The following DPYSL3 variants were observed in gnomAD, a reference collection of about 807,000 sequenced individuals.
DPYSL3 encodes the protein dihydropyrimidinase like 3, also known as dihydropyrimidinase-related protein 3.
Under a neutral mutation model 66.1 loss-of-function variants are expected in DPYSL3, and 16 were observed. The ratio of observed to expected loss-of-function variants is 0.24; its 90% CI spans 0.16 to 0.37. The LOEUF (loss-of-function observed/expected upper bound fraction) is 0.37. Among genes scored for constraint, DPYSL3 ranks in the 10% least tolerant of loss-of-function variants. DPYSL3 has a pLI of 1.00. For synonymous variants in DPYSL3, 338 were observed against 345.1 expected (o/e 0.98, Z 0.23); for missense variants, 738 against 916.2 (o/e 0.81, Z 2.51).
intron 1 of DPYSL3, among the ~76,000 whole-genome samples, chr5:147,445,165 C>T (rs1461681457): frequency 6.6e-6 from 1 of 152,102 alleles, no homozygotes; most frequent in African/African-American, 2.4e-5. Context: ...TCCAGGTAGG[C>T]CCCTGAAACA....
At chr5:147,420,137 G>T (rs977924452) in intron 2 of DPYSL3, among the ~76,000 whole-genome samples, 4 of 152,166 alleles carry the variant, frequency 2.6e-5, no homozygotes, top group Admixed American at 2.6e-4. Flanking sequence ...TAATGAGTGA[G>T]ACTGGATGTG....
At chr5:147,422,840 A>G (rs185040868) in intron 2 of DPYSL3, among the ~76,000 whole-genome samples, 1,647 of 148,252 alleles carry the variant, frequency 0.011, 14 homozygotes, top group South Asian at 0.033. Context: ...AACATCAAAC[A>G]CCAGGGCCTG....
At chr5:147,425,870 T>G (rs73794718) in intron 1 of DPYSL3, among the ~76,000 whole-genome samples, 11,306 of 152,198 alleles carry the variant, frequency 0.074, 1,384 homozygotes, top group African/African-American at 0.26. Context: ...AGGGATGGAT[T>G]AAGCTTTGTT....
intron 1 of DPYSL3, among the ~76,000 whole-genome samples, chr5:147,443,087 A>G (rs1044847869): frequency 3.3e-5 from 5 of 152,242 alleles, no homozygotes; most frequent in Non-Finnish European, 7.3e-5. Context: ...TGGTTTTATT[A>G]TTCATAAGAT....
At chr5:147,425,467 T>C (rs1752177949) in intron 1 of DPYSL3, among the ~76,000 whole-genome samples, 1 of 152,198 alleles carries the variant, frequency 6.6e-6, no homozygotes, top group African/African-American at 2.4e-5. Flanking sequence ...AAATTCAGGA[T>C]ACTTACAAAT....
intron 12 of DPYSL3, among the ~76,000 whole-genome samples, chr5:147,396,719 CAT>C (rs956972120): frequency 6.6e-6 from 1 of 152,096 alleles, no homozygotes; most frequent in African/African-American, 2.4e-5. Flanking sequence ...AAATCACACT[CAT>C]AGAAATAAAG....
At chr5:147,501,144 T>C (rs914503730) in intron 1 of DPYSL3, among the ~76,000 whole-genome samples, 1 of 152,108 alleles carries the variant, frequency 6.6e-6, no homozygotes, top group African/African-American at 2.4e-5. Flanking sequence ...AGAAATGAGC[T>C]ATCAAGCCAT....
At chr5:147,476,584 G>A (rs963178325) in intron 1 of DPYSL3, among the ~76,000 whole-genome samples, 1 of 152,108 alleles carries the variant, frequency 6.6e-6, no homozygotes, top group East Asian at 1.9e-4. Context: ...CATATCAAAG[G>A]GGGAGGAATT....
At chr5:147,437,709 G>A (rs775989493) in intron 1 of DPYSL3, among the ~76,000 whole-genome samples, 1 of 152,184 alleles carries the variant, frequency 6.6e-6, no homozygotes, top group Non-Finnish European at 1.5e-5. Flanking sequence ...TGCAAAGAGG[G>A]TCCTCATTGT....
At chr5:147,505,628 T>C (rs1753676287) in intron 1 of DPYSL3, among the ~76,000 whole-genome samples, 1 of 152,238 alleles carries the variant, frequency 6.6e-6, no homozygotes, top group Non-Finnish European at 1.5e-5. Context: ...TAGAAGTTAA[T>C]AATTAGGTAT....
At chr5:147,443,904 G>A (rs544346669) in intron 1 of DPYSL3, among the ~76,000 whole-genome samples, 3 of 152,218 alleles carry the variant, frequency 2.0e-5, no homozygotes, top group South Asian at 2.1e-4. Context: ...AAACAAAGCC[G>A]CTCTTAACAG....
At chr5:147,432,618 G>A (rs1278041808) in intron 1 of DPYSL3, among the ~76,000 whole-genome samples, 2 of 152,082 alleles carry the variant, frequency 1.3e-5, no homozygotes, top group Non-Finnish European at 2.9e-5. Flanking sequence ...TGGAGGAGAG[G>A]GACAGCACTG....
At chr5:147,487,141 C>T (rs1171756201) in intron 1 of DPYSL3, among the ~76,000 whole-genome samples, 2 of 152,124 alleles carry the variant, frequency 1.3e-5, no homozygotes, top group Non-Finnish European at 2.9e-5. Flanking sequence ...TTATTTTAAG[C>T]TTGACCTCCT....
Position 147,428,882 on chromosome 5 carries a change from T to C in DPYSL3, c.382-3919A>G, listed in dbSNP as rs571035693. On this transcript the variant is annotated intron_variant, in intron 1 of 13. Transcript: ENST00000343218. The stretch of plus-strand genomic sequence containing the variant: ...GCTTAATACCTAGGTGATGGGTTGA[T>C]AGATGCAGCAAACCACCATGGCACA... Among the ~76,000 whole-genome samples the C allele has an allele frequency of 3.2e-4, 48 of 152,214 alleles. No homozygotes were observed. The South Asian group carries it at 8.5e-3, about 27-fold the overall frequency.
chr5:147,476,068 AT>A (rs1014248683), intron 1 of DPYSL3, among the ~76,000 whole-genome samples: 3 of 152,174 alleles, frequency 2.0e-5, no homozygotes, highest in African/African-American at 4.8e-5. Context: ...CTGAGGCATA[AT>A]GATTATGTAA....
intron 4 of DPYSL3, among the ~76,000 whole-genome samples, chr5:147,414,309 T>G (rs77870434): frequency 6.6e-6 from 1 of 152,236 alleles, no homozygotes; most frequent in Non-Finnish European, 1.5e-5. Flanking sequence ...AATGGGCAGG[T>G]TTTACCTTGT....
chr5:147,393,183 G>A lies in DPYSL3; in HGVS notation c.*852C>T, dbSNP rs1005666546. The A allele has an allele frequency of 2.0e-5, 3 of 152,270 alleles. No individual in the cohort carries two copies. The highest frequency in any genetic ancestry group is 7.2e-5 in the African/African-American group (3 of 41,442). 9.4% of individuals were successfully genotyped at this position (152,270 alleles called of 1,614,324 possible). On this transcript the variant is annotated 3_prime_UTR_variant, in exon 14 of 14. Transcript: ENST00000343218. ...AGCTGTGGGTGCCCTCACCACGTGG[G>A]CCTGTGCTATGTTCTCAGCTGCTGG...
At chr5:147,478,153 C>G (rs978872942) in intron 1 of DPYSL3, among the ~76,000 whole-genome samples, 1 of 152,168 alleles carries the variant, frequency 6.6e-6, no homozygotes, top group Non-Finnish European at 1.5e-5. Context: ...CACACATTCC[C>G]TTTGTATTCA....
intron 6 of DPYSL3, among the ~76,000 whole-genome samples, chr5:147,410,008 C>G (rs1751813696): frequency 6.6e-6 from 1 of 152,122 alleles, no homozygotes; most frequent in South Asian, 2.1e-4. Context: ...CTACAGAAAA[C>G]AAAGAAAGGT....
Sources: allele counts gnomAD v4.1 joint callset (sites outside exome capture counted in the v4.1 genomes callset), GRCh38; gene constraint gnomAD v4.1.1; transcripts MANE v1.5; gene names NCBI Gene and HGNC (gene_info 2026-07-23, HGNC 2026-07-21).